The following ZFYVE27 variants were observed in gnomAD, a reference collection of about 807,000 sequenced individuals.
ZFYVE27 encodes the protein zinc finger FYVE-type containing 27, also known as protrudin.
A neutral mutation model predicts 52.8 loss-of-function variants in ZFYVE27; 36 were observed. That is an observed-to-expected ratio of 0.68 (90% confidence interval 0.52 to 0.90). ZFYVE27 has a LOEUF of 0.90. Ranked by LOEUF, ZFYVE27 falls within the 40% of genes least tolerant of loss-of-function variation. ZFYVE27 has a pLI of 0.00. For synonymous variants in ZFYVE27, 223 were observed against 215.6 expected (o/e 1.03, Z -0.30); for missense variants, 450 against 527.2 (o/e 0.85, Z 1.43).
Position 97,750,471 on chromosome 10 carries a change from G to GT in ZFYVE27, c.804+2dup, listed in dbSNP as rs2046631762. 1 of 1,613,998 alleles carries GT rather than the reference G, an allele frequency of 6.2e-7. No homozygotes were observed. The highest frequency in any genetic ancestry group is 8.5e-7 in the Non-Finnish European group (1 of 1,180,034). ...CACGCCTGCCCTCACACCCACGGAG[G>GT]TAAGTGCCACTGTCAGGGCAGAGCC... is the stretch of plus-strand genomic sequence containing the variant. On this transcript the variant is annotated splice_donor_variant, in intron 7 of 12. Coordinates refer to ENST00000684270, the MANE Select transcript of ZFYVE27 (RefSeq NM_001385875.1). LOFTEE classifies it high-confidence loss of function.
rs898543435 is a variant in ZFYVE27 at position 97,759,727 on chromosome 10, G to C, written c.*427G>C. Reference sequence around the variant, plus strand: ...AGGTTTTTCTCCTGCAGGGTACTGGGCCAGGCCCTCAGCCTCAGAGAGCCT... The same window carrying C: ...AGGTTTTTCTCCTGCAGGGTACTGGCCCAGGCCCTCAGCCTCAGAGAGCCT... On this transcript the variant is annotated 3_prime_UTR_variant, in exon 13 of 13. Coordinates refer to ENST00000684270, the MANE Select transcript of ZFYVE27 (RefSeq NM_001385875.1). The C allele has an allele frequency of 3.8e-6, 1 of 261,662 alleles. No individual in the cohort carries two copies. The highest frequency in any genetic ancestry group is 4.4e-5 in the Admixed American group (1 of 22,634). The allele number at this position is 261,662 out of a possible 1,614,324, so 16.2% of individuals were successfully genotyped here. A position where few individuals can be genotyped will look rare whatever the true frequency, so the allele number is the denominator to read the frequency against.
intron 1 of ZFYVE27, 78 bp from the exon 2 acceptor site, chr10:97,738,399 C>T: frequency 1.3e-6 from 2 of 1,516,616 alleles, no homozygotes; most frequent in Non-Finnish European, 9.1e-7. Flanking sequence ...TTACTGTTGG[C>T]ACCACCTGAA....
intron 2 of ZFYVE27, among the ~76,000 whole-genome samples, chr10:97,739,506 C>G (rs2043015822): frequency 6.6e-6 from 1 of 152,102 alleles, no homozygotes; most frequent in African/African-American, 2.4e-5. Context: ...ACTTATATGG[C>G]ATTCTACTCC....
At chr10:97,744,459 G>A (rs1440258170) in intron 3 of ZFYVE27, among the ~76,000 whole-genome samples, 1 of 152,222 alleles carries the variant, frequency 6.6e-6, no homozygotes, top group Non-Finnish European at 1.5e-5. Flanking sequence ...GTGACCAAAG[G>A]GACAAAGTCC....
At chr10:97,754,648 G>T in intron 10 of ZFYVE27, 7 of 1,287,302 alleles carry the variant, frequency 5.4e-6, no homozygotes, top group Middle Eastern at 2.1e-4. Flanking sequence ...GCTGACTTCT[G>T]CAGGGCATTC....
chr10:97,743,663 T>C (rs1014901456), intron 3 of ZFYVE27, among the ~76,000 whole-genome samples: 8 of 152,238 alleles, frequency 5.3e-5, no homozygotes, highest in Non-Finnish European at 8.8e-5. Flanking sequence ...AAGGGATTTT[T>C]GCCATATCTG....
chr10:97,745,035 C>G, intron 4 of ZFYVE27, 120 bp downstream of exon 4: 1 of 1,190,014 alleles, frequency 8.4e-7, no homozygotes, highest in East Asian at 2.6e-5. Flanking sequence ...TTCATTTAAC[C>G]TTTTTAACAG....
intron 8 of ZFYVE27, 47 bp downstream of exon 8, chr10:97,751,509 G>A (rs1400620775): frequency 6.3e-7 from 1 of 1,592,404 alleles, no homozygotes; most frequent in Non-Finnish European, 8.6e-7. Context: ...GCCAGAAATT[G>A]GGTGGTCCTG....
At chr10:97,755,754 G>A (rs1037718663) in intron 10 of ZFYVE27, among the ~76,000 whole-genome samples, 4 of 152,212 alleles carry the variant, frequency 2.6e-5, no homozygotes, top group African/African-American at 9.7e-5. Context: ...CTCCGTATGG[G>A]AGAGGTCTTG....
At chr10:97,738,763 G>T in intron 2 of ZFYVE27, 89 bp downstream of exon 2, 1 of 1,497,734 alleles carries the variant, frequency 6.7e-7, no homozygotes, top group Non-Finnish European at 9.3e-7. Flanking sequence ...GGCAGTGGCT[G>T]GGCTGTCCTT....
chr10:97,744,263 G>A lies in ZFYVE27; in HGVS notation c.269-466G>A, dbSNP rs570662625. On this transcript the variant is annotated intron_variant, in intron 3 of 12. Transcript: ENST00000684270. ...TTTCTTTGAATTTTATCTCGGCTTC[G>A]CCATTTCTCAAGGCACAATCGTCTG... Among the ~76,000 whole-genome samples, 8 of 152,256 alleles carry A rather than the reference G, an allele frequency of 5.3e-5. No homozygotes were observed. In the South Asian group the frequency reaches 8.3e-4, roughly 16 times the overall value.
At chr10:97,738,765 G>A (rs898272137) in intron 2 of ZFYVE27, 91 bp downstream of exon 2, 1 of 1,490,248 alleles carries the variant, frequency 6.7e-7, no homozygotes, top group Non-Finnish European at 9.3e-7. Flanking sequence ...CAGTGGCTGG[G>A]CTGTCCTTTC....
At chr10:97,751,800 C>T (rs1010092929) in intron 8 of ZFYVE27, among the ~76,000 whole-genome samples, 16 of 152,142 alleles carry the variant, frequency 1.1e-4, no homozygotes, top group African/African-American at 3.6e-4. Context: ...CCTGGGTCTC[C>T]GCTCTTCTGC....
rs761273296 is a variant in ZFYVE27 at position 97,750,462 on chromosome 10, C to T, written c.796C>T (p.Pro266Ser). The T allele has an allele frequency of 1.9e-6, 3 of 1,614,116 alleles. No homozygotes were observed. Among genetic ancestry groups the T allele is most frequent in the South Asian group, 2.2e-5 (2 of 91,086 alleles). ...GATGGACAGCACGCCTGCCCTCACA[C>T]CCACGGAGGTAAGTGCCACTGTCAG... is the stretch of plus-strand genomic sequence containing the variant. ...GLMDSTPALT[P>S]TEDLTPGSVE... Residue 266 changes from proline to serine, a missense_variant, in exon 7 of 13, where the codon CCC (proline) becomes TCC (serine). Transcript: ENST00000684270.
intron 1 of ZFYVE27, among the ~76,000 whole-genome samples, chr10:97,737,830 G>A (rs1438982718): frequency 1.3e-5 from 2 of 152,254 alleles, no homozygotes; most frequent in East Asian, 3.8e-4. Context: ...GGCCCAGGAA[G>A]TTGTTGGGAA....
At chr10:97,756,301 C>T (rs1457493213) in intron 10 of ZFYVE27, among the ~76,000 whole-genome samples, 1 of 152,194 alleles carries the variant, frequency 6.6e-6, no homozygotes, top group South Asian at 2.1e-4. Flanking sequence ...CCTGAAGCAC[C>T]TTGGCCTCAG....
chr10:97,752,456 A>G (rs1400876905), intron 8 of ZFYVE27, among the ~76,000 whole-genome samples: 2 of 152,190 alleles, frequency 1.3e-5, no homozygotes, highest in Middle Eastern at 3.2e-3. Context: ...GGGGTTTTCA[A>G]GCATTTTTGT....
At chr10:97,759,115 A>C in intron 12 of ZFYVE27, 121 bp from the exon 13 acceptor site, 2 of 1,011,498 alleles carry the variant, frequency 2.0e-6, no homozygotes, top group Non-Finnish European at 1.5e-6. Flanking sequence ...CAAGCTGGGC[A>C]GGGAGGGTGT....
chr10:97,759,509 C>T lies in ZFYVE27; in HGVS notation c.*209C>T. 1 of 641,328 alleles carries T rather than the reference C, an allele frequency of 1.6e-6. No homozygotes were observed. The highest frequency in any genetic ancestry group is 2.8e-6 in the Non-Finnish European group (1 of 353,630). 39.7% of individuals were successfully genotyped at this position (641,328 alleles called of 1,614,324 possible). On this transcript the variant is annotated 3_prime_UTR_variant, in exon 13 of 13. Coordinates refer to ENST00000684270, the MANE Select transcript of ZFYVE27 (RefSeq NM_001385875.1). ...GGCTGGCAATGGCTGCTCTCAATCC[C>T]TTGAGGGAGAAGAGCCCCTGGAGGG... is the stretch of plus-strand genomic sequence containing the variant.
Sources: gnomAD v4.1 joint callset for allele counts (sites outside exome capture counted in the v4.1 genomes callset) on GRCh38, gnomAD v4.1.1 for gene constraint, MANE v1.5 for transcripts, NCBI Gene and HGNC (gene_info 2026-07-23, HGNC 2026-07-21) for gene names.